Variants in SHPRH observed in about 807,000 individuals in gnomAD.
SHPRH encodes the protein SNF2 histone linker PHD RING helicase, also known as E3 ubiquitin-protein ligase SHPRH.
A neutral mutation model predicts 202.5 loss-of-function variants in SHPRH; 106 were observed. The observed-to-expected ratio is 0.52, with a 90% CI of 0.45 to 0.62. The LOEUF is 0.62. SHPRH is among the 20% of genes least tolerant of loss of function. The pLI is 0.00. For synonymous variants in SHPRH, 729 were observed against 686.0 expected (o/e 1.06, Z -0.98); for missense variants, 1,710 against 2,020.0 (o/e 0.85, Z 2.94).
intron 23 of SHPRH, among the ~76,000 whole-genome samples, chr6:145,913,937 T>C (rs1024751165): frequency 3.9e-5 from 6 of 152,112 alleles, no homozygotes; most frequent in African/African-American, 7.2e-5. Flanking sequence ...ACCAATGAAT[T>C]ATTCTTTTCC....
chr6:145,941,689 CA>C lies in SHPRH; in HGVS notation c.2423del (p.Leu808ArgfsTer2), dbSNP rs750021590. 3 of 1,613,902 alleles carry C rather than the reference CA, an allele frequency of 1.9e-6. No individual in the cohort carries two copies. The highest frequency in any genetic ancestry group is 2.5e-6 in the Non-Finnish European group (3 of 1,179,962). On this transcript the variant is annotated frameshift_variant, in exon 10 of 30. Transcript: ENST00000275233. LOFTEE classifies it high-confidence loss of function. ...AGATCCTCCACCACTCCACAGCTACCAGGGGGCTCGGGATAGCCATATAGCG... is the reference window on the plus strand; with the variant it reads ...AGATCCTCCACCACTCCACAGCTACCGGGGGCTCGGGATAGCCATATAGCG... ...QKRYMAIPSPLVAVEWWRICL... is the reference protein window; with the variant it reads ...QKRYMAIPSPXVAVEWWRICL...
At chr6:145,862,822 A>C (rs1402065107), downstream of SHPRH, 2 of 152,210 alleles carry the variant, frequency 1.3e-5, no homozygotes, top group African/African-American at 4.8e-5. Context: ...CTATTTTTTA[A>C]ATCAAATTCT....
chr6:145,889,479 C>CT (rs1415826779), intron 28 of SHPRH, among the ~76,000 whole-genome samples: 9 of 152,072 alleles, frequency 5.9e-5, no homozygotes, highest in Non-Finnish European at 1.3e-4. Flanking sequence ...AAATCCAAAA[C>CT]TTTTTGAGTG....
At position 145,926,189 on chromosome 6, in the gene SHPRH, GA is replaced by G. The variant is rs752555654; in HGVS notation, c.3294+14del. On this transcript the variant is annotated intron_variant, in intron 16 of 29. Coordinates refer to ENST00000275233, the MANE Select transcript of SHPRH (RefSeq NM_001042683.3). ...GAAAATATACTTTTATAGACAGAAT[GA>G]AAAAAATAATTACCTCTTCCTCAAG... 3 of 1,609,824 alleles carry G rather than the reference GA, an allele frequency of 1.9e-6. No individual in the cohort carries two copies. The highest frequency in any genetic ancestry group is 2.5e-6 in the Non-Finnish European group (3 of 1,176,846).
intron 2 of SHPRH, among the ~76,000 whole-genome samples, chr6:145,873,461 T>C (rs1241499349): frequency 6.6e-6 from 1 of 152,178 alleles, no homozygotes; most frequent in Non-Finnish European, 1.5e-5. Context: ...AGTTAATAAG[T>C]TCACTTTATT....
At chr6:145,935,214 T>G in intron 12 of SHPRH, 51 bp from the exon 13 acceptor site, 1 of 1,599,106 alleles carries the variant, frequency 6.3e-7, no homozygotes. Flanking sequence ...AAAATTTATC[T>G]TTCCATCCCA....
chr6:145,868,683 T>C (rs577608082), intron 2 of SHPRH, among the ~76,000 whole-genome samples: 2 of 152,318 alleles, frequency 1.3e-5, no homozygotes, highest in South Asian at 4.1e-4. Flanking sequence ...TTCATCCCTC[T>C]AGTCTTTTGC....
rs376298960 is a variant in SHPRH at position 145,911,698 on chromosome 6, A to AGAAAG, written c.4327-1063_4327-1062insCTTTC. On this transcript the variant is annotated intron_variant, in intron 24 of 29. Coordinates refer to ENST00000275233, the MANE Select transcript of SHPRH (RefSeq NM_001042683.3). ...GCTATGTTTTTTTTAAGATTTGGACATGTATGGAAAGAAAGTGCGTACCTG... is the reference window on the plus strand; with the variant it reads ...GCTATGTTTTTTTTAAGATTTGGACAGAAAGTGTATGGAAAGAAAGTGCGTACCTG... Among the ~76,000 whole-genome samples, 633 of 152,206 alleles carry AGAAAG rather than the reference A, an allele frequency of 4.2e-3. 18 individuals are homozygous for AGAAAG. In the East Asian group the frequency reaches 0.071, roughly 17 times the overall value.
chr6:145,868,432 A>T (rs1304684000), intron 2 of SHPRH, among the ~76,000 whole-genome samples: 2 of 152,214 alleles, frequency 1.3e-5, no homozygotes, highest in Non-Finnish European at 2.9e-5. Context: ...CACAGCTGAT[A>T]AGTTGTGAAG....
chr6:145,935,690 T>A (rs1785990862), intron 11 of SHPRH: 1 of 347,406 alleles, frequency 2.9e-6, no homozygotes, highest in South Asian at 7.9e-5. Flanking sequence ...ACATACAGCT[T>A]ATACTTAATT....
At chr6:145,867,403 A>G (rs1429291334) in intron 2 of SHPRH, among the ~76,000 whole-genome samples, 1 of 151,546 alleles carries the variant, frequency 6.6e-6, no homozygotes, top group Non-Finnish European at 1.5e-5. Flanking sequence ...GGAATTAAGC[A>G]AAGAATTTGA....
intron 2 of SHPRH, among the ~76,000 whole-genome samples, chr6:145,866,968 A>C (rs1779807521): frequency 6.6e-6 from 1 of 152,144 alleles, no homozygotes. Flanking sequence ...AGTGAATATA[A>C]AGATTTGTCA....
In SHPRH at chr6:145,963,857, C is replaced by G. The variant is rs1789366830; in HGVS notation, c.-159G>C. On this transcript the variant is annotated 5_prime_UTR_variant, in exon 1 of 30. Transcript: ENST00000275233. ...GCCAAGGAGCGTGACGACGGACTCCCGGATCCTAGTGTGTTGGACGCTCGA... is the reference window on the plus strand; with the variant it reads ...GCCAAGGAGCGTGACGACGGACTCCGGGATCCTAGTGTGTTGGACGCTCGA... 1 of 152,416 alleles carries G rather than the reference C, an allele frequency of 6.6e-6. No individual in the cohort carries two copies. The highest frequency in any genetic ancestry group is 1.9e-4 in the East Asian group (1 of 5,184). The allele number at this position is 152,416 out of a possible 1,614,324, so 9.4% of individuals were successfully genotyped here. A position where few individuals can be genotyped will look rare whatever the true frequency, so the allele number is the denominator to read the frequency against.
chr6:145,900,599 A>G (rs1782413816), intron 25 of SHPRH, among the ~76,000 whole-genome samples: 1 of 152,148 alleles, frequency 6.6e-6, no homozygotes, highest in Admixed American at 6.6e-5. Context: ...TACAGTACAT[A>G]ATAATGTATT....
downstream of SHPRH, among the ~76,000 whole-genome samples, chr6:145,859,845 T>C (rs1160106032): frequency 1.3e-5 from 2 of 152,034 alleles, no homozygotes; most frequent in Non-Finnish European, 2.9e-5. Context: ...GGGACTTAAA[T>C]TGAATTCTCT....
intron 29 of SHPRH, among the ~76,000 whole-genome samples, chr6:145,887,581 G>C (rs546008566): frequency 6.8e-6 from 1 of 147,852 alleles, no homozygotes; most frequent in Non-Finnish European, 1.5e-5. Flanking sequence ...TGTTGCCCAG[G>C]CTGGAGTGCA....
chr6:145,878,650 G>C (rs541371358), intron 2 of SHPRH, among the ~76,000 whole-genome samples: 23 of 152,258 alleles, frequency 1.5e-4, no homozygotes, highest in African/African-American at 5.3e-4. Flanking sequence ...TTAAGGTTGA[G>C]TTTGCTCCCT....
rs1786989156 is a variant in SHPRH at position 145,943,266 on chromosome 6, G to A, written c.2115C>T (p.His705=). The A allele has an allele frequency of 1.2e-6, 2 of 1,613,714 alleles. No individual in the cohort carries two copies. The highest frequency in any genetic ancestry group is 1.7e-6 in the Non-Finnish European group (2 of 1,179,922). Residue 705 remains histidine, a synonymous_variant, in exon 9 of 30, where the codon CAC becomes CAT. Transcript: ENST00000275233. ...ACACTGGTTCCATTGCAACAAGGCA[G>A]TGGGGGCAGTAAAAAGGCTTGATCT... ...NLKIKPFYCP[H]CLVAMEPVST...
intron 10 of SHPRH, 75 bp from the exon 11 acceptor site, chr6:145,940,876 A>G (rs1306150328): frequency 6.9e-7 from 1 of 1,440,046 alleles, no homozygotes; most frequent in Middle Eastern, 1.7e-4. Flanking sequence ...AGGCATACTC[A>G]TGAAAAACAG....
Sources: gnomAD v4.1 joint callset for allele counts (sites outside exome capture counted in the v4.1 genomes callset) on GRCh38, gnomAD v4.1.1 for gene constraint, MANE v1.5 for transcripts, NCBI Gene and HGNC (gene_info 2026-07-23, HGNC 2026-07-21) for gene names.